The following CASP5 variants were observed in gnomAD, a reference collection of about 807,000 sequenced individuals.
The protein encoded by CASP5 is caspase-5.
CASP5 carries 42 observed loss-of-function variants against 45.2 expected under a neutral mutation model. That is an observed-to-expected ratio of 0.93 (90% CI 0.73 to 1.20). The LOEUF (loss-of-function observed/expected upper bound fraction) is 1.20. CASP5 is among the 50% of genes most tolerant of loss of function. CASP5 has a pLI of 0.00. For missense variants in CASP5, 512 were observed against 532.2 expected, an observed-to-expected ratio of 0.96 and a Z score of 0.37; for synonymous variants, 209 against 186.2, an observed-to-expected ratio of 1.12 and a Z score of -1.00.
At chr11:105,016,257 G>A (rs565397750) in intron 1 of CASP5, among the ~76,000 whole-genome samples, 55 of 152,298 alleles carry the variant, frequency 3.6e-4, no homozygotes, top group African/African-American at 1.2e-3. Context: ...ATTCAGGGTT[G>A]GGAATGCAGT....
chr11:105,015,824 A>G (rs1591175374), intron 1 of CASP5, among the ~76,000 whole-genome samples: 1 of 152,190 alleles, frequency 6.6e-6, no homozygotes, highest in Admixed American at 6.5e-5. Context: ...GTGAGGTGAG[A>G]TGTAAACCTT....
In CASP5 at chr11:104,999,048, C is replaced by CTT; in HGVS notation, c.953-22_953-21dup. 20 of 1,409,344 alleles carry CTT rather than the reference C, an allele frequency of 1.4e-5. No homozygotes were observed. Among genetic ancestry groups the CTT allele is most frequent in the East Asian group, 2.6e-5 (1 of 38,632 alleles). 87.3% of individuals were successfully genotyped at this position (1,409,344 alleles called of 1,614,324 possible). A position where few individuals can be genotyped will look rare whatever the true frequency, so the allele number is the denominator to read the frequency against. The stretch of plus-strand genomic sequence containing the variant: ...GTTTTTCTGTAGAGACATCAACTTT[C>CTT]TTTTTTTTTTATGTTACTTTAAGTT... On this transcript the variant is annotated intron_variant, in intron 6 of 9. Transcript: ENST00000260315.
At chr11:105,009,734 T>C (rs1367402741) in intron 1 of CASP5, among the ~76,000 whole-genome samples, 5 of 62,622 alleles carry the variant, frequency 8.0e-5, no homozygotes, top group African/African-American at 2.9e-4. Flanking sequence ...TATATATATA[T>C]ATATATATAT....
At position 105,007,082 on chromosome 11, in the gene CASP5, C is replaced by A; in HGVS notation, c.433+1G>T. On this transcript the variant is annotated splice_donor_variant, in intron 3 of 9. Transcript: ENST00000260315. LOFTEE classifies it high-confidence loss of function. ...ATTTATCGTGTTAGATGCAACCTTA[C>A]GTTTTACACTGGTGATCTTTTGGTC... is the stretch of plus-strand genomic sequence containing the variant. 1.2e-6 allele frequency: 2 copies of A among 1,608,810 alleles called. No homozygotes were observed. Among genetic ancestry groups the A allele is most frequent in the Non-Finnish European group, 1.7e-6 (2 of 1,177,866 alleles).
chr11:104,998,772 C>A (rs945901848), intron 7 of CASP5, 113 bp downstream of exon 7: 22 of 1,007,716 alleles, frequency 2.2e-5, no homozygotes, highest in Non-Finnish European at 3.1e-5. Flanking sequence ...ATATAGAGAG[C>A]ACACACCATT....
At chr11:104,996,019 T>A (rs2093228010) in intron 8 of CASP5, among the ~76,000 whole-genome samples, 177 bp from the exon 9 acceptor site, 1 of 152,144 alleles carries the variant, frequency 6.6e-6, no homozygotes, top group South Asian at 2.1e-4. Flanking sequence ...ACACCCCATG[T>A]CATACTGTAC....
chr11:105,011,237 G>A (rs1862331212), intron 1 of CASP5, among the ~76,000 whole-genome samples: 1 of 151,790 alleles, frequency 6.6e-6, no homozygotes, highest in Non-Finnish European at 1.5e-5. Context: ...TGCATGCTTA[G>A]TAAATGAATA....
At chr11:105,015,849 T>G (rs1442213504) in intron 1 of CASP5, among the ~76,000 whole-genome samples, 1 of 152,046 alleles carries the variant, frequency 6.6e-6, no homozygotes, top group African/African-American at 2.4e-5. Flanking sequence ...ATAATTAAGC[T>G]AGTGGGAGAA....
intron 1 of CASP5, among the ~76,000 whole-genome samples, chr11:105,016,149 C>A (rs1292424643): frequency 6.6e-6 from 1 of 152,140 alleles, no homozygotes; most frequent in Non-Finnish European, 1.5e-5. Context: ...GCTAATGATG[C>A]TAACCTGCAG....
chr11:104,995,104 G>A (rs1861395637), intron 9 of CASP5: 1 of 152,268 alleles, frequency 6.6e-6, no homozygotes, highest in Admixed American at 6.5e-5. Flanking sequence ...TGCGAGGCAG[G>A]AAGGGCATTA....
intron 6 of CASP5, among the ~76,000 whole-genome samples, chr11:104,999,657 A>C (rs1364690268): frequency 6.6e-6 from 1 of 152,202 alleles, no homozygotes; most frequent in African/African-American, 2.4e-5. Context: ...ACAATGTGTA[A>C]ATTAATAGTG....
In CASP5 at chr11:105,009,710, TATATACACAC is replaced by T. The variant is rs1428459725; in HGVS notation, c.8-740_8-731del. ...ATTCAGATTTTTACCAGGAGATATA[TATATACACAC>T]ATATATATATATATATATATATATA... On this transcript the variant is annotated intron_variant, in intron 1 of 9. Transcript: ENST00000260315. 6.8e-3 allele frequency among the ~76,000 whole-genome samples: 453 copies of T among 66,376 alleles called. 9 individuals carry two copies. The highest frequency in any genetic ancestry group is 0.026 in the African/African-American group (438 of 16,582). The allele number at this position is 66,376 out of a possible 152,430, so 43.5% of individuals were successfully genotyped here.
intron 1 of CASP5, 167 bp from the exon 2 acceptor site, chr11:105,009,147 C>T: frequency 1.6e-6 from 1 of 636,432 alleles, no homozygotes; most frequent in South Asian, 2.0e-5. Flanking sequence ...TTCTCTCACC[C>T]ATCAAATTCC....
At chr11:105,013,433 G>A (rs1330257404) in intron 1 of CASP5, among the ~76,000 whole-genome samples, 1 of 151,876 alleles carries the variant, frequency 6.6e-6, no homozygotes. Flanking sequence ...AAAAAGATGA[G>A]CATATGAGGT....
At chr11:105,022,891 A>G (rs1224916758) in intron 1 of CASP5, among the ~76,000 whole-genome samples, 1 of 152,130 alleles carries the variant, frequency 6.6e-6, no homozygotes, top group African/African-American at 2.4e-5. Context: ...GATTACCAGA[A>G]GCTGAAAGAA....
In CASP5 at chr11:105,020,397, T is replaced by A. The variant is rs1193690465; in HGVS notation, c.7+2733A>T. Among the ~76,000 whole-genome samples, 5 of 151,114 alleles carry A rather than the reference T, an allele frequency of 3.3e-5. No individual in the cohort carries two copies. In the Admixed American group the frequency reaches 3.3e-4, roughly 10 times the overall value. ...TGTTTGCAGACGACATGATTGTATA[T>A]CTAGAAAACCCCATTGTCTCAGCCC... On this transcript the variant is annotated intron_variant, in intron 1 of 9. Coordinates refer to ENST00000260315, the MANE Select transcript of CASP5 (RefSeq NM_004347.5).
At chr11:105,008,775 G>A (rs746132369) in intron 2 of CASP5, 32 bp downstream of exon 2, 7 of 1,488,688 alleles carry the variant, frequency 4.7e-6, no homozygotes, top group Non-Finnish European at 6.5e-6. Flanking sequence ...CTAAAAAATT[G>A]GAAATATCCA....
intron 1 of CASP5, among the ~76,000 whole-genome samples, chr11:105,016,114 G>A (rs1862575385): frequency 6.6e-6 from 1 of 152,170 alleles, no homozygotes; most frequent in South Asian, 2.1e-4. Flanking sequence ...TGTGAGAGGT[G>A]AGAGTTAACT....
rs574244953 is a variant in CASP5, at chr11:104,999,720, GAAACA to G, written c.952+536_952+540del. Among the ~76,000 whole-genome samples the G allele has an allele frequency of 1.6e-3, 236 of 152,218 alleles. 1 individual carries two copies. The highest frequency in any genetic ancestry group is 5.5e-3 in the African/African-American group (229 of 41,544). ...GTTAAATTATTGCTGCTTTCTTAAAGAAACAAAACAAAATATACATCCCAATAGTC... is the reference window on the plus strand; with the variant it reads ...GTTAAATTATTGCTGCTTTCTTAAAGAAACAAAATATACATCCCAATAGTC... On this transcript the variant is annotated intron_variant, in intron 6 of 9. Transcript: ENST00000260315.
Sources: allele counts gnomAD v4.1 joint callset (sites outside exome capture counted in the v4.1 genomes callset), GRCh38; gene constraint gnomAD v4.1.1; transcripts MANE v1.5; gene names NCBI Gene and HGNC (gene_info 2026-07-23, HGNC 2026-07-21).